Variants in RGS5 observed in about 807,000 individuals in gnomAD.
RGS5 encodes regulator of G protein signaling 5.
In RGS5, 20 loss-of-function variants were observed where a neutral mutation model predicts 18.9. That is an observed-to-expected ratio of 1.06 (90% CI 0.74 to 1.54). The LOEUF is 1.54. RGS5 is among the 40% of genes most tolerant of loss of function. The pLI, the probability that RGS5 is intolerant of heterozygous loss-of-function variation, is 0.00. For missense variants in RGS5, 201 were observed against 211.8 expected (o/e 0.95, Z 0.32); for synonymous variants, 57 against 76.2 (o/e 0.75, Z 1.31).
intron 2 of RGS5, among the ~76,000 whole-genome samples, chr1:163,223,331 T>C (rs1194053387): frequency 6.6e-6 from 1 of 152,156 alleles, no homozygotes; most frequent in Non-Finnish European, 1.5e-5. Context: ...AGAGAGCCCC[T>C]CTTAATGGTG....
intron 1 of RGS5, among the ~76,000 whole-genome samples, chr1:163,210,026 A>G (rs1660065757): frequency 6.6e-6 from 1 of 151,694 alleles, no homozygotes; most frequent in African/African-American, 2.4e-5. Flanking sequence ...GTCTGGCTCT[A>G]TCAGCCAGGC....
intron 1 of RGS5, among the ~76,000 whole-genome samples, chr1:163,195,984 G>C (rs539247448): frequency 6.6e-6 from 1 of 152,056 alleles, no homozygotes; most frequent in Non-Finnish European, 1.5e-5. Context: ...TTTCTACCCC[G>C]CCACACTGCA....
intron 1 of RGS5, among the ~76,000 whole-genome samples, chr1:163,192,106 A>G (rs1659383359): frequency 6.6e-6 from 1 of 152,202 alleles, no homozygotes; most frequent in Non-Finnish European, 1.5e-5. Context: ...TATCTTTTGC[A>G]ATAGCCTTTA....
At chr1:163,196,766 C>T (rs1394116518) in intron 1 of RGS5, among the ~76,000 whole-genome samples, 2 of 152,210 alleles carry the variant, frequency 1.3e-5, no homozygotes, top group South Asian at 2.1e-4. Flanking sequence ...ATCCCCACTC[C>T]CCTTCTCCCA....
chr1:163,180,142 G>C (rs1454476425), intron 1 of RGS5, among the ~76,000 whole-genome samples: 1 of 152,010 alleles, frequency 6.6e-6, no homozygotes, highest in Non-Finnish European at 1.5e-5. Context: ...TCTAACTTTT[G>C]TATTAATATT....
At chr1:163,229,710 C>T (rs1397410081) in intron 2 of RGS5, among the ~76,000 whole-genome samples, 1 of 152,206 alleles carries the variant, frequency 6.6e-6, no homozygotes, top group Non-Finnish European at 1.5e-5. Context: ...CTCTCACCTC[C>T]TTCAGACTTT....
chr1:163,229,515 T>C (rs1038528719), intron 2 of RGS5, among the ~76,000 whole-genome samples: 22 of 152,194 alleles, frequency 1.4e-4, no homozygotes, highest in Non-Finnish European at 2.8e-4. Context: ...ATTAAAAGTC[T>C]CAAGACTGAC....
At chr1:163,252,137 T>A (rs1242050288) in intron 2 of RGS5, among the ~76,000 whole-genome samples, 1 of 152,144 alleles carries the variant, frequency 6.6e-6, no homozygotes, top group Non-Finnish European at 1.5e-5. Context: ...GTATGAAAGA[T>A]CTAGTTTCTC....
intron 2 of RGS5, among the ~76,000 whole-genome samples, chr1:163,233,987 G>C (rs367726282): frequency 6.6e-6 from 1 of 152,128 alleles, no homozygotes; most frequent in African/African-American, 2.4e-5. Context: ...GGATGTATAC[G>C]TGCAGGTCAC....
chr1:163,256,320 GA>G (rs1557921592), intron 2 of RGS5, among the ~76,000 whole-genome samples: 1 of 151,570 alleles, frequency 6.6e-6, no homozygotes, highest in African/African-American at 2.4e-5. Context: ...ACCAATAACA[GA>G]CAAACAGAGA....
At chr1:163,157,027 A>T (rs1294966612) in intron 3 of RGS5, among the ~76,000 whole-genome samples, 1 of 152,210 alleles carries the variant, frequency 6.6e-6, no homozygotes, top group Non-Finnish European at 1.5e-5. Context: ...ACCAAAGAGA[A>T]AGAAGCAAAA....
At chr1:163,190,464 G>A (rs1011322641) in intron 1 of RGS5, among the ~76,000 whole-genome samples, 5 of 152,156 alleles carry the variant, frequency 3.3e-5, no homozygotes, top group Non-Finnish European at 5.9e-5. Flanking sequence ...ATAGTAAAAT[G>A]AACAGGATCT....
intron 1 of RGS5, chr1:163,211,656 T>C (rs956117502): frequency 6.6e-6 from 1 of 152,154 alleles, no homozygotes; most frequent in Admixed American, 6.5e-5. Flanking sequence ...CTAATGGAAA[T>C]TCCAGGAATT....
chr1:163,229,767 T>A (rs1377184922), intron 2 of RGS5, among the ~76,000 whole-genome samples: 5 of 152,198 alleles, frequency 3.3e-5, no homozygotes, highest in African/African-American at 4.8e-5. Flanking sequence ...TGGTTCTAAT[T>A]AAAATTTCAA....
intron 2 of RGS5, among the ~76,000 whole-genome samples, chr1:163,301,630 G>A (rs533800380): frequency 2.6e-4 from 40 of 152,156 alleles, no homozygotes; most frequent in African/African-American, 9.4e-4. Context: ...ACCACGCCAG[G>A]CCCAGAATGA....
intron 2 of RGS5, among the ~76,000 whole-genome samples, chr1:163,296,199 A>G (rs1476694746): frequency 1.3e-5 from 2 of 152,184 alleles, no homozygotes; most frequent in Admixed American, 1.3e-4. Flanking sequence ...TACTGCAACT[A>G]TCTTTGGCAG....
At chr1:163,320,821 T>C (rs1027274495) in intron 1 of RGS5, among the ~76,000 whole-genome samples, 31 of 152,180 alleles carry the variant, frequency 2.0e-4, no homozygotes, top group African/African-American at 7.5e-4. Context: ...TATCAATAGG[T>C]TTAGTTCTTC....
chr1:163,303,089 A>G (rs923368417), intron 2 of RGS5, among the ~76,000 whole-genome samples: 9 of 152,200 alleles, frequency 5.9e-5, no homozygotes, highest in African/African-American at 2.2e-4. Context: ...AAGAACACAT[A>G]GTTAAATTTT....
Position 163,142,472 on chromosome 1 carries a change from A to T in RGS5, c.*4870T>A, listed in dbSNP as rs948037351. Reference sequence around the variant, plus strand: ...TTTAAAATATATGGGATAAATGCTTACAAATGGATTTATAAACCTTTCACT... The same window carrying T: ...TTTAAAATATATGGGATAAATGCTTTCAAATGGATTTATAAACCTTTCACT... On this transcript the variant is annotated 3_prime_UTR_variant, in exon 5 of 5. Transcript: ENST00000313961. 1.3e-5 allele frequency: 2 copies of T among 152,172 alleles called. No homozygotes were observed. The highest frequency in any genetic ancestry group is 4.8e-5 in the African/African-American group (2 of 41,458). The allele number at this position is 152,172 out of a possible 1,614,324, so 9.4% of individuals were successfully genotyped here. A position where few individuals can be genotyped will look rare whatever the true frequency, so the allele number is the denominator to read the frequency against.
Sources: gnomAD v4.1 joint callset for allele counts (sites outside exome capture counted in the v4.1 genomes callset) on GRCh38, gnomAD v4.1.1 for gene constraint, MANE v1.5 for transcripts, NCBI Gene and HGNC (gene_info 2026-07-23, HGNC 2026-07-21) for gene names.